The following PANX1 variants were observed in gnomAD, a reference collection of about 807,000 sequenced individuals.
PANX1 encodes pannexin-1.
A neutral mutation model predicts 38.7 loss-of-function variants in PANX1; 30 were observed. That is an observed-to-expected ratio of 0.78 (90% confidence interval 0.58 to 1.05). The LOEUF (loss-of-function observed/expected upper bound fraction) is 1.05, where lower values mean the gene tolerates loss of function less well. PANX1 is among the 50% of genes least tolerant of loss of function. PANX1 has a pLI of 0.00. For synonymous variants in PANX1, 230 were observed against 212.2 expected (o/e 1.08, Z -0.73); for missense variants, 551 against 517.2 (o/e 1.07, Z -0.63).
intron 2 of PANX1, among the ~76,000 whole-genome samples, chr11:94,157,447 T>C (rs1366343325): frequency 1.3e-5 from 2 of 152,222 alleles, no homozygotes; most frequent in Non-Finnish European, 2.9e-5. Context: ...TGTGAGATGG[T>C]ATCTCATTGT....
intron 1 of PANX1, among the ~76,000 whole-genome samples, chr11:94,133,292 G>A (rs1271032673): frequency 2.0e-5 from 3 of 152,298 alleles, no homozygotes; most frequent in East Asian, 1.9e-4. Context: ...AAGGGACTCT[G>A]CCTTGCTCAT....
intron 1 of PANX1, among the ~76,000 whole-genome samples, chr11:94,148,011 A>C (rs1332154440): frequency 6.6e-6 from 1 of 152,174 alleles, no homozygotes; most frequent in African/African-American, 2.4e-5. Context: ...TTTAAAAGCC[A>C]GGCTTAGCTG....
chr11:94,141,364 G>A (rs1303349034), intron 1 of PANX1, among the ~76,000 whole-genome samples: 2 of 152,106 alleles, frequency 1.3e-5, no homozygotes, highest in African/African-American at 4.8e-5. Context: ...GTTTTAGCTT[G>A]TAGTTCCCTA....
At chr11:94,164,184 T>A (rs977054336) in intron 2 of PANX1, among the ~76,000 whole-genome samples, 4 of 152,070 alleles carry the variant, frequency 2.6e-5, no homozygotes, top group African/African-American at 9.7e-5. Context: ...TAAATTTTAT[T>A]GATGTTTTGT....
chr11:94,137,286 G>C (rs1432992277), intron 1 of PANX1, among the ~76,000 whole-genome samples: 1 of 152,194 alleles, frequency 6.6e-6, no homozygotes, highest in African/African-American at 2.4e-5. Flanking sequence ...CCTGGCGACA[G>C]AGCGAGACTC....
At chr11:94,133,589 G>A (rs536671562) in intron 1 of PANX1, among the ~76,000 whole-genome samples, 9 of 152,296 alleles carry the variant, frequency 5.9e-5, no homozygotes, top group African/African-American at 2.2e-4. Flanking sequence ...GAACTAAAAT[G>A]TGCACCTGTC....
chr11:94,181,061 C>T lies in PANX1; in HGVS notation c.*192C>T. The stretch of plus-strand genomic sequence containing the variant: ...TATGGAAGAATGGTTTATGAACTTC[C>T]CATAGGAAGCACCTGAGAGATAGTA... On this transcript the variant is annotated 3_prime_UTR_variant, in exon 5 of 5. Transcript: ENST00000227638. The T allele has an allele frequency of 1.8e-6, 1 of 567,724 alleles. No homozygotes were observed. Among genetic ancestry groups the T allele is most frequent in the Non-Finnish European group, 3.2e-6 (1 of 316,016 alleles). The allele number at this position is 567,724 out of a possible 1,614,324, so 35.2% of individuals were successfully genotyped here.
At chr11:94,137,754 TTATA>T (rs1032715208) in intron 1 of PANX1, among the ~76,000 whole-genome samples, 2 of 148,854 alleles carry the variant, frequency 1.3e-5, no homozygotes, top group African/African-American at 5.0e-5. Flanking sequence ...ATATAAATAT[TTATA>T]TATGTATATT....
In PANX1 at chr11:94,165,769, G is replaced by A. The variant is rs56776143; in HGVS notation, c.321+12139G>A. 6.5e-3 allele frequency among the ~76,000 whole-genome samples: 992 copies of A among 152,218 alleles called. 29 individuals carry two copies. In the East Asian group the frequency reaches 0.066, roughly 10 times the overall value. On this transcript the variant is annotated intron_variant, in intron 2 of 4. Coordinates refer to ENST00000227638, the MANE Select transcript of PANX1 (RefSeq NM_015368.4). ...CTTCTACACATACAAAATTAGCCAG[G>A]CATGGTGGTGCATGCCTGTAATCCC... is the stretch of plus-strand genomic sequence containing the variant.
At chr11:94,172,006 T>C (rs371962571) in intron 2 of PANX1, among the ~76,000 whole-genome samples, 2 of 151,364 alleles carry the variant, frequency 1.3e-5, no homozygotes, top group South Asian at 2.1e-4. Flanking sequence ...AAGTCCGTTT[T>C]TGACTGAAAA....
At chr11:94,160,119 A>G (rs956938044) in intron 2 of PANX1, among the ~76,000 whole-genome samples, 12 of 151,466 alleles carry the variant, frequency 7.9e-5, no homozygotes, top group Non-Finnish European at 1.5e-4. Context: ...CTGTTCTTTT[A>G]TATTTGCTGA....
At chr11:94,152,612 G>C (rs542553128) in intron 1 of PANX1, among the ~76,000 whole-genome samples, 7 of 152,162 alleles carry the variant, frequency 4.6e-5, no homozygotes, top group Non-Finnish European at 1.0e-4. Context: ...GCCAGCCCCT[G>C]TGCTACTGGT....
intron 1 of PANX1, among the ~76,000 whole-genome samples, chr11:94,148,513 A>G (rs1381199158): frequency 6.6e-6 from 1 of 152,134 alleles, no homozygotes; most frequent in Non-Finnish European, 1.5e-5. Flanking sequence ...ACCACTGTCC[A>G]TCTCTTCTCT....
At chr11:94,142,980 A>G (rs1265728282) in intron 1 of PANX1, among the ~76,000 whole-genome samples, 1 of 152,258 alleles carries the variant, frequency 6.6e-6, no homozygotes, top group Non-Finnish European at 1.5e-5. Context: ...CCACTCTAGC[A>G]TCTGCATCTG....
intron 2 of PANX1, among the ~76,000 whole-genome samples, chr11:94,158,769 G>T: frequency 6.6e-6 from 1 of 152,142 alleles, no homozygotes; most frequent in Non-Finnish European, 1.5e-5. Flanking sequence ...GCCCTGGCCA[G>T]AACTTCCAAC....
At position 94,129,411 on chromosome 11, in the gene PANX1, T is replaced by C. The variant is rs745843325; in HGVS notation, c.99T>C (p.Ala33=). ...PKFKGLRLEL[A]VDKMVTCIAV... is the part of the protein sequence containing the mutation. ...TCAAGGGGCTGCGACTGGAGCTGGC[T>C]GTGGACAAGATGGTCACGTGCATTG... The change falls in exon 1 of 5, where the codon GCT becomes GCC. Residue 33 remains alanine, a synonymous_variant. Coordinates refer to ENST00000227638, the MANE Select transcript of PANX1 (RefSeq NM_015368.4). The C allele has an allele frequency of 6.2e-7, 1 of 1,614,006 alleles. No homozygotes were observed. Among genetic ancestry groups the C allele is most frequent in the African/African-American group, 1.3e-5 (1 of 74,942 alleles).
chr11:94,143,698 A>T (rs945191720), intron 1 of PANX1, among the ~76,000 whole-genome samples: 3 of 152,138 alleles, frequency 2.0e-5, no homozygotes, highest in African/African-American at 7.2e-5. Context: ...CTATTTATAG[A>T]ACACTTACCT....
intron 2 of PANX1, among the ~76,000 whole-genome samples, chr11:94,166,387 T>C (rs1947101529): frequency 6.6e-6 from 1 of 152,218 alleles, no homozygotes; most frequent in African/African-American, 2.4e-5. Context: ...TGGGAAAGTC[T>C]TTATTTCACC....
chr11:94,129,830 C>T (rs1249989658), intron 1 of PANX1, among the ~76,000 whole-genome samples: 1 of 152,186 alleles, frequency 6.6e-6, no homozygotes, highest in Non-Finnish European at 1.5e-5. Flanking sequence ...TCACCCCTGT[C>T]TCCTACATAT....
Sources: gnomAD v4.1 joint callset for allele counts (sites outside exome capture counted in the v4.1 genomes callset) on GRCh38, gnomAD v4.1.1 for gene constraint, MANE v1.5 for transcripts, NCBI Gene and HGNC (gene_info 2026-07-23, HGNC 2026-07-21) for gene names.